ARHGAP5: variants seen among roughly 807,000 people sequenced by gnomAD.
ARHGAP5 encodes the protein rho GTPase-activating protein 5.
In ARHGAP5, 23 loss-of-function variants were observed where a neutral mutation model predicts 116.6. The ratio of observed to expected loss-of-function variants is 0.20; its 90% confidence interval spans 0.14 to 0.28. The LOEUF is 0.28. Among genes scored for constraint, ARHGAP5 ranks in the 10% least tolerant of loss-of-function variants. The probability of loss-of-function intolerance (pLI) is 1.00; values close to 1 mark genes in which losing one functional copy is unlikely to be tolerated. For synonymous variants in ARHGAP5, 574 were observed against 602.0 expected (o/e 0.95, Z 0.68); for missense variants, 1,405 against 1,774.8 (o/e 0.79, Z 3.74).
At position 32,131,546 on chromosome 14, in the gene ARHGAP5, A is replaced by G. The variant is rs182969428; in HGVS notation, c.3865+14259A>G. Among the ~76,000 whole-genome samples, 150 of 151,298 alleles carry G rather than the reference A, an allele frequency of 9.9e-4. 5 individuals carry two copies. The East Asian group carries it at 0.026, about 26-fold the overall frequency. The stretch of plus-strand genomic sequence containing the variant: ...TCCAGCCACTGGCAACCACCATTTC[A>G]TGTTCTTTTTGTTTGTTTGTTTTTG... On this transcript the variant is annotated intron_variant, in intron 3 of 6. Coordinates refer to ENST00000345122, the MANE Select transcript of ARHGAP5 (RefSeq NM_001030055.2).
chr14:32,109,363 C>T (rs1339369657), intron 2 of ARHGAP5, among the ~76,000 whole-genome samples: 1 of 151,868 alleles, frequency 6.6e-6, no homozygotes, highest in African/African-American at 2.4e-5. Context: ...ATATATTGAA[C>T]TCCTATTTCA....
At chr14:32,147,942 C>T (rs988124797) in intron 4 of ARHGAP5, among the ~76,000 whole-genome samples, 1 of 152,200 alleles carries the variant, frequency 6.6e-6, no homozygotes, top group Non-Finnish European at 1.5e-5. Flanking sequence ...TGCCTGAGCT[C>T]AGGAGTTCTA....
intron 3 of ARHGAP5, among the ~76,000 whole-genome samples, chr14:32,124,836 A>G (rs991421587): frequency 6.6e-6 from 1 of 152,202 alleles, no homozygotes. Flanking sequence ...AATGTAAACT[A>G]TATGTGATAT....
rs760450788 is a variant in ARHGAP5, at chr14:32,123,957, G to T, written c.3865+6670G>T. Reference sequence around the variant, plus strand: ...TATTCTCAGCTCTTGGCCTCAAGAAGTTTTCTCTCATATATGTGCAGTATT... The same window carrying T: ...TATTCTCAGCTCTTGGCCTCAAGAATTTTTCTCTCATATATGTGCAGTATT... On this transcript the variant is annotated intron_variant, in intron 3 of 6. Transcript: ENST00000345122. Among the ~76,000 whole-genome samples the T allele has an allele frequency of 2.6e-5, 4 of 152,270 alleles. No homozygotes were observed. In the East Asian group the frequency reaches 7.7e-4, roughly 29 times the overall value.
intron 2 of ARHGAP5, among the ~76,000 whole-genome samples, chr14:32,102,318 C>CACCT (rs1468755483): frequency 2.0e-5 from 3 of 152,276 alleles, no homozygotes; most frequent in Non-Finnish European, 2.9e-5. Context: ...TTAGGTCCTG[C>CACCT]ACCTGTTCCT....
intron 3 of ARHGAP5, among the ~76,000 whole-genome samples, chr14:32,125,994 T>C (rs1343370314): frequency 6.6e-6 from 1 of 152,176 alleles, no homozygotes; most frequent in East Asian, 1.9e-4. Context: ...ATTAGCTCTA[T>C]TTTTTGTGTG....
intron 3 of ARHGAP5, among the ~76,000 whole-genome samples, chr14:32,131,464 T>C (rs1398730185): frequency 6.6e-6 from 1 of 152,068 alleles, no homozygotes; most frequent in Non-Finnish European, 1.5e-5. Context: ...ACTTTTGCAT[T>C]TGGAAAAACT....
intron 3 of ARHGAP5, among the ~76,000 whole-genome samples, 198 bp from the exon 4 acceptor site, chr14:32,146,065 T>C (rs943395560): frequency 6.6e-6 from 1 of 151,956 alleles, no homozygotes; most frequent in East Asian, 1.9e-4. Context: ...CATGCCACCA[T>C]GCCCAGCTAA....
intron 2 of ARHGAP5, among the ~76,000 whole-genome samples, chr14:32,115,663 C>CA (rs60051497): frequency 0.047 from 1,873 of 39,664 alleles, 74 homozygotes; most frequent in African/African-American, 0.056. Flanking sequence ...GACTCCGTCT[C>CA]AAAAAAAAAA....
At chr14:32,145,276 C>G (rs1330101858) in intron 3 of ARHGAP5, among the ~76,000 whole-genome samples, 1 of 152,184 alleles carries the variant, frequency 6.6e-6, no homozygotes. Flanking sequence ...GGGTAAAGAA[C>G]TCCTTGTTAC....
At chr14:32,135,373 G>A (rs1193709170) in intron 3 of ARHGAP5, among the ~76,000 whole-genome samples, 3 of 152,152 alleles carry the variant, frequency 2.0e-5, no homozygotes, top group Admixed American at 1.3e-4. Context: ...TCTTTTTTAT[G>A]TCTAGACTCA....
intron 3 of ARHGAP5, among the ~76,000 whole-genome samples, chr14:32,122,839 CAT>C (rs1413025440): frequency 5.3e-5 from 8 of 152,174 alleles, no homozygotes; most frequent in African/African-American, 1.9e-4. Context: ...TTTCTGGACT[CAT>C]ATTCTATTGA....
intron 3 of ARHGAP5, among the ~76,000 whole-genome samples, chr14:32,126,734 C>T (rs1009352619): frequency 6.6e-6 from 1 of 151,970 alleles, no homozygotes; most frequent in East Asian, 1.9e-4. Flanking sequence ...TTGAGATAAT[C>T]ATGTTATTTT....
chr14:32,116,845 TC>T (rs1366603560), intron 2 of ARHGAP5, among the ~76,000 whole-genome samples: 1 of 152,188 alleles, frequency 6.6e-6, no homozygotes, highest in Non-Finnish European at 1.5e-5. Context: ...CCCTAGTTTG[TC>T]CCTTGTGTTG....
In ARHGAP5 at chr14:32,140,259, TTTC is replaced by T. The variant is rs372886623; in HGVS notation, c.3866-5998_3866-5996del. ...AAGTGTTTTCTAATTTTATTTGTAA[TTTC>T]TTCTTTGTTCCATTGGCTGTTGAAG... is the stretch of plus-strand genomic sequence containing the variant. On this transcript the variant is annotated intron_variant, in intron 3 of 6. Coordinates refer to ENST00000345122, the MANE Select transcript of ARHGAP5 (RefSeq NM_001030055.2). 2.2e-3 allele frequency among the ~76,000 whole-genome samples: 335 copies of T among 152,144 alleles called. 1 individual carries two copies. The highest frequency in any genetic ancestry group is 7.7e-3 in the African/African-American group (321 of 41,530).
intron 3 of ARHGAP5, among the ~76,000 whole-genome samples, chr14:32,117,581 A>AAG (rs1327064633): frequency 2.0e-5 from 3 of 152,184 alleles, no homozygotes; most frequent in Non-Finnish European, 4.4e-5. Flanking sequence ...CTATTTAGTG[A>AAG]AGAGATATAG....
rs556239871 is a variant in ARHGAP5, at chr14:32,089,128, GAATA to G, written c.-168-1370_-168-1367del. Among the ~76,000 whole-genome samples, 49 of 151,970 alleles carry G rather than the reference GAATA, an allele frequency of 3.2e-4. No homozygotes were observed. The East Asian group carries it at 7.7e-3, about 24-fold the overall frequency. ...GATGGAATAAACTTCTAAAATATGA[GAATA>G]AATCTGAAATTTTATTTTTAAAAAT... is the stretch of plus-strand genomic sequence containing the variant. On this transcript the variant is annotated intron_variant, in intron 1 of 6. Transcript: ENST00000345122.
chr14:32,115,815 C>A (rs1173882384), intron 2 of ARHGAP5, among the ~76,000 whole-genome samples: 14 of 141,732 alleles, frequency 9.9e-5, no homozygotes, highest in Middle Eastern at 3.7e-3. Context: ...ACTAAAAATA[C>A]AAAAAAAAAA....
chr14:32,154,406 C>T, intron 6 of ARHGAP5: 1 of 481,116 alleles, frequency 2.1e-6, no homozygotes, highest in Non-Finnish European at 3.7e-6. Context: ...GCCTCAGCCT[C>T]CCAAAGTGCT....
Sources: allele counts gnomAD v4.1 joint callset (sites outside exome capture counted in the v4.1 genomes callset), GRCh38; gene constraint gnomAD v4.1.1; transcripts MANE v1.5; gene names NCBI Gene and HGNC (gene_info 2026-07-23, HGNC 2026-07-21).